FRMD8: variants seen among roughly 807,000 people sequenced by gnomAD.
The protein encoded by FRMD8 is FERM domain containing 8.
In FRMD8, 37 loss-of-function variants were observed where a neutral mutation model predicts 54.2. The ratio of observed to expected loss-of-function variants is 0.68; its 90% CI spans 0.53 to 0.90. The LOEUF (loss-of-function observed/expected upper bound fraction) is 0.90. Ranked by LOEUF, FRMD8 falls within the 40% of genes least tolerant of loss-of-function variation. The pLI is 0.00. For synonymous variants in FRMD8, 246 were observed against 286.9 expected (o/e 0.86, Z 1.44); for missense variants, 585 against 653.7 (o/e 0.89, Z 1.15).
chr11:65,399,990 G>A (rs1015421095), intron 8 of FRMD8, 131 bp downstream of exon 8: 12 of 1,096,468 alleles, frequency 1.1e-5, no homozygotes, highest in African/African-American at 3.2e-5. Flanking sequence ...CCCTGCCTCC[G>A]TTGGATGTCC....
chr11:65,376,812 A>G, the FRMD8 span: 1 of 1,614,086 alleles, frequency 6.2e-7, no homozygotes, highest in Middle Eastern at 1.6e-4. Context: ...ACGCCACTTT[A>G]CTTACTGGGA....
Position 65,386,808 on chromosome 11 carries a change from C to G in FRMD8, c.-1+47C>G, listed in dbSNP as rs2957264. ...GCCCGGGCCTCCGTCCCCGGCTGGG[C>G]GTGCGCCTTGCCCTGCCTGGGCATC... On this transcript the variant is annotated intron_variant, in intron 1 of 10. Transcript: ENST00000317568. 0.99 allele frequency: 529,196 copies of G among 533,910 alleles called. 262,333 individuals are homozygous for G. Among genetic ancestry groups the G allele is most frequent in the East Asian group, 1 (30,764 of 30,766 alleles). The allele number at this position is 533,910 out of a possible 1,614,324, so 33.1% of individuals were successfully genotyped here. A position where few individuals can be genotyped will look rare whatever the true frequency, so the allele number is the denominator to read the frequency against.
the FRMD8 span, chr11:65,380,075 C>T: frequency 1.3e-6 from 2 of 1,594,542 alleles, no homozygotes; most frequent in Non-Finnish European, 1.7e-6. Context: ...CTCAGGGCAC[C>T]CTGACATTTG....
Position 65,405,156 on chromosome 11 carries a change from A to C in FRMD8, c.1276+88A>C, listed in dbSNP as rs1856169116. Reference sequence around the variant, plus strand: ...AGTTCCTGAGGACAGGGCATTGCAGAGCAGCTCCAGACCCAGTGTGAGCTG... The same window carrying C: ...AGTTCCTGAGGACAGGGCATTGCAGCGCAGCTCCAGACCCAGTGTGAGCTG... On this transcript the variant is annotated intron_variant, in intron 10 of 10. Transcript: ENST00000317568. The C allele has an allele frequency of 4.7e-6, 6 of 1,289,534 alleles. No individual in the cohort carries two copies. The South Asian group carries it at 6.4e-5, about 14-fold the overall frequency. The allele number at this position is 1,289,534 out of a possible 1,614,324, so 79.9% of individuals were successfully genotyped here.
chr11:65,377,051 A>C, the FRMD8 span: 1 of 1,613,898 alleles, frequency 6.2e-7, no homozygotes, highest in Non-Finnish European at 8.5e-7. Flanking sequence ...GACTTTGATG[A>C]GGTCAAAAGG....
chr11:65,382,263 T>C (rs1345632673), upstream of FRMD8: 4 of 454,326 alleles, frequency 8.8e-6, no homozygotes, highest in Admixed American at 6.8e-5. This position sits in a 1 kb window ranked among gnomAD's most constrained non-coding sequence, Gnocchi z 4.4. Context: ...TCCTGCCCCA[T>C]GGTCGGGCCC....
At chr11:65,410,075 A>ACT (rs1261772744) in intron 10 of FRMD8, among the ~76,000 whole-genome samples, 2 of 151,884 alleles carry the variant, frequency 1.3e-5, no homozygotes, top group Non-Finnish European at 2.9e-5. Context: ...TCAAAAAAAA[A>ACT]ACCACAAAGG....
the FRMD8 span, among the ~76,000 whole-genome samples, chr11:65,374,222 G>A: frequency 1.3e-5 from 2 of 152,158 alleles, no homozygotes; most frequent in African/African-American, 4.8e-5. Flanking sequence ...GAGCTCTGAT[G>A]AGCACGTGAC....
the FRMD8 span, chr11:65,377,202 A>G: frequency 6.9e-7 from 1 of 1,448,816 alleles, no homozygotes; most frequent in Admixed American, 2.8e-5. Context: ...CCCTGCCGGC[A>G]CCCAGCCTCT....
At chr11:65,408,440 C>T (rs1480565558) in intron 10 of FRMD8, among the ~76,000 whole-genome samples, 2 of 151,748 alleles carry the variant, frequency 1.3e-5, no homozygotes, top group Non-Finnish European at 2.9e-5. Flanking sequence ...CACTGTGTGG[C>T]ATTCCTTGGC....
chr11:65,400,877 G>A lies in FRMD8; in HGVS notation c.1071+10G>A. 1 of 1,593,498 alleles carries A rather than the reference G, an allele frequency of 6.3e-7. No homozygotes were observed. Among genetic ancestry groups the A allele is most frequent in the Non-Finnish European group, 8.6e-7 (1 of 1,168,666 alleles). On this transcript the variant is annotated intron_variant, in intron 9 of 10. Transcript: ENST00000317568. This position sits in a 1 kb window ranked among gnomAD's most constrained non-coding sequence, Gnocchi z 4.3. ...GATCTACTCCAAGCAGGTAGCGCGG[G>A]TGGTGCCTGCACACGGGTGGGGAGG...
intron 10 of FRMD8, 23 bp downstream of exon 10, chr11:65,405,091 T>TGCACACACAAACACGCATGC (rs1565612218): frequency 6.2e-7 from 1 of 1,609,100 alleles, no homozygotes; most frequent in Non-Finnish European, 8.5e-7. Flanking sequence ...TCTGTGCATG[T>TGCACACACAAACACGCATGC]GCACACACAA....
intron 9 of FRMD8, among the ~76,000 whole-genome samples, chr11:65,403,953 G>T (rs1856134009): frequency 6.6e-6 from 1 of 152,198 alleles, no homozygotes; most frequent in Non-Finnish European, 1.5e-5. Context: ...TTGGCTGGTG[G>T]AGTCCACTTG....
chr11:65,386,903 G>GC, intron 1 of FRMD8, 134 bp from the exon 2 acceptor site: 1 of 760,534 alleles, frequency 1.3e-6, no homozygotes, highest in South Asian at 1.7e-5. Flanking sequence ...TGCACTCTTG[G>GC]CCCCTCCAGG....
At chr11:65,376,095 G>T in the FRMD8 span, 1 of 339,504 alleles carries the variant, frequency 2.9e-6, no homozygotes. Flanking sequence ...AAAAAAAAGA[G>T]GTGAAGGCAC....
intron 3 of FRMD8, among the ~76,000 whole-genome samples, chr11:65,390,398 T>C (rs1855820163): frequency 6.6e-6 from 1 of 152,108 alleles, no homozygotes; most frequent in African/African-American, 2.4e-5. Context: ...TATAGAGGAA[T>C]GCAGGCAAGA....
intron 3 of FRMD8, among the ~76,000 whole-genome samples, chr11:65,391,206 C>T (rs751233843): frequency 4.6e-5 from 7 of 152,246 alleles, no homozygotes; most frequent in Non-Finnish European, 8.8e-5. Flanking sequence ...AGGGCCCTTC[C>T]GTCCCATTTG....
chr11:65,380,362 C>A, the FRMD8 span: 4 of 963,398 alleles, frequency 4.2e-6, no homozygotes, highest in African/African-American at 1.6e-5. Context: ...CACACAGGCA[C>A]TGGGCCAGGA....
chr11:65,411,387 C>T lies in FRMD8; in HGVS notation c.*27C>T, dbSNP rs766973467. ...GACGCTGCACCCGGCAGGAGGAGGGCGACTGGGGGCCCTGGCCCGGCACTG... is the reference window on the plus strand; with the variant it reads ...GACGCTGCACCCGGCAGGAGGAGGGTGACTGGGGGCCCTGGCCCGGCACTG... On this transcript the variant is annotated 3_prime_UTR_variant, in exon 11 of 11. Transcript: ENST00000317568. 12 of 1,474,838 alleles carry T rather than the reference C, an allele frequency of 8.1e-6. No homozygotes were observed. The highest frequency in any genetic ancestry group is 2.1e-5 in the Admixed American group (1 of 48,168). The allele number at this position is 1,474,838 out of a possible 1,614,324, so 91.4% of individuals were successfully genotyped here.
Sources: gnomAD v4.1 joint callset for allele counts (sites outside exome capture counted in the v4.1 genomes callset) on GRCh38, gnomAD v4.1.1 for gene constraint, Gnocchi (gnomAD v3.1) non-coding constraint, MANE v1.5 for transcripts, NCBI Gene and HGNC (gene_info 2026-07-23, HGNC 2026-07-21) for gene names.